MYO18A: variants seen among roughly 807,000 people sequenced by gnomAD.
MYO18A encodes the protein myosin XVIIIA, also known as unconventional myosin-XVIIIa.
A neutral mutation model predicts 235.8 loss-of-function variants in MYO18A; 78 were observed. That is an observed-to-expected ratio of 0.33 (90% CI 0.28 to 0.40). The LOEUF (loss-of-function observed/expected upper bound fraction) is 0.40. Ranked by LOEUF, MYO18A falls within the 10% of genes least tolerant of loss-of-function variation. MYO18A has a pLI of 1.00. For synonymous variants in MYO18A, 977 were observed against 1,077.8 expected (o/e 0.91, Z 1.83); for missense variants, 2,215 against 2,699.3 (o/e 0.82, Z 3.98).
At chr17:29,131,497 TA>T in intron 2 of MYO18A, 1 of 911,076 alleles carries the variant, frequency 1.1e-6, no homozygotes, top group Non-Finnish European at 1.3e-6. Flanking sequence ...GACCCAGCAC[TA>T]AAAGCACAGG....
Position 29,111,966 on chromosome 17 carries a change from CACACA to C in MYO18A, c.2599-108_2599-104del. ...CACCCTACAGAATGCTACACATGTG[CACACA>C]TGCACACACGCACATGCCGCAGCTC... On this transcript the variant is annotated intron_variant, in intron 15 of 41. Transcript: ENST00000527372. The surrounding 1 kb of genome is among the most constrained non-coding windows in gnomAD (Gnocchi z 5.1). The C allele has an allele frequency of 7.4e-7, 1 of 1,352,678 alleles. No homozygotes were observed. Among genetic ancestry groups the C allele is most frequent in the Non-Finnish European group, 1.0e-6 (1 of 994,690 alleles). 83.8% of individuals were successfully genotyped at this position (1,352,678 alleles called of 1,614,324 possible).
chr17:29,121,907 C>T lies in MYO18A; in HGVS notation c.1138G>A (p.Val380Met), dbSNP rs1304491476. 1 of 1,613,844 alleles carries T rather than the reference C, an allele frequency of 6.2e-7. No individual in the cohort carries two copies. Among genetic ancestry groups the T allele is most frequent in the East Asian group, 2.2e-5 (1 of 44,886 alleles). Residue 380 changes from valine (V) to methionine (M), a missense_variant, in exon 4 of 42, where the codon GTG (valine) becomes ATG (methionine). Physicochemically the swap from Val to Met is conservative, Grantham distance 21 (BLOSUM62 1). Coordinates refer to ENST00000527372, the MANE Select transcript of MYO18A (RefSeq NM_078471.4). The surrounding 1 kb of genome is among the most constrained non-coding windows in gnomAD (Gnocchi z 4.2). ...ELNLPEGKVR[V>M]KLDHDGAILD... is the part of the protein sequence containing the mutation. ...ATGGCCCCATCGTGGTCCAGCTTCA[C>T]ACGCACCTTCCCCTCAGGCAAGTTG... is the stretch of plus-strand genomic sequence containing the variant.
At chr17:29,098,651 C>T (rs1392369413) in intron 23 of MYO18A, among the ~76,000 whole-genome samples, 175 bp downstream of exon 23, 1 of 152,174 alleles carries the variant, frequency 6.6e-6, no homozygotes, top group Non-Finnish European at 1.5e-5. Context: ...AAGATTTTAT[C>T]GTAAGAGGCT....
intron 2 of MYO18A, among the ~76,000 whole-genome samples, chr17:29,143,709 T>C (rs577124137): frequency 3.2e-4 from 48 of 152,350 alleles, no homozygotes; most frequent in African/African-American, 1.0e-3. Flanking sequence ...ATAACCAACA[T>C]ATATACCCTG....
chr17:29,125,972 A>G lies in MYO18A; in HGVS notation c.1000-3719T>C, dbSNP rs538376238. The stretch of plus-strand genomic sequence containing the variant: ...CTGGACCTTGGCAGCTCCTGCCTAA[A>G]GGTTAAACCACTATTAGTCCCAGCC... On this transcript the variant is annotated intron_variant, in intron 2 of 41. Transcript: ENST00000527372. The surrounding 1 kb of genome is among the most constrained non-coding windows in gnomAD (Gnocchi z 5.1). 12 of 985,798 alleles carry G rather than the reference A, an allele frequency of 1.2e-5. No homozygotes were observed. In the South Asian group the frequency reaches 5.6e-4, roughly 46 times the overall value. The allele number at this position is 985,798 out of a possible 1,614,324, so 61.1% of individuals were successfully genotyped here.
In MYO18A at chr17:29,132,621, G is replaced by A. The variant is rs939810121; in HGVS notation, c.1000-10368C>T. On this transcript the variant is annotated intron_variant, in intron 2 of 41. Transcript: ENST00000527372. ...GACTCTCCAATTTTAACCAGGGTCT[G>A]TGGCTAATTTTGAGCTCAAATTAGC... 5.4e-4 allele frequency among the ~76,000 whole-genome samples: 82 copies of A among 152,192 alleles called. 1 individual carries two copies. The highest frequency in any genetic ancestry group is 1.4e-3 in the Admixed American group (22 of 15,274).
At chr17:29,105,113 A>T (rs1483037827) in intron 20 of MYO18A, among the ~76,000 whole-genome samples, 2 of 144,456 alleles carry the variant, frequency 1.4e-5, no homozygotes, top group Non-Finnish European at 3.0e-5. Flanking sequence ...CGGAGCTTGC[A>T]GTGAGCTCAG....
intron 2 of MYO18A, among the ~76,000 whole-genome samples, chr17:29,153,171 G>A (rs781339518): frequency 7.2e-5 from 11 of 152,120 alleles, no homozygotes; most frequent in Non-Finnish European, 1.3e-4. Flanking sequence ...CACCCAGGAT[G>A]GACTGCAGTG....
At position 29,073,763 on chromosome 17, in the gene MYO18A, AT is replaced by A; in HGVS notation, c.*1006del. ...GTGTGGGGGCAGGGAGGTTGGAAGAATGACACGGGCTCAGGACACAGAGTGA... is the reference window on the plus strand; with the variant it reads ...GTGTGGGGGCAGGGAGGTTGGAAGAAGACACGGGCTCAGGACACAGAGTGA... On this transcript the variant is annotated 3_prime_UTR_variant, in exon 42 of 42. Transcript: ENST00000527372. 7.4e-7 allele frequency: 1 copy of A among 1,345,430 alleles called. No individual in the cohort carries two copies. Among genetic ancestry groups the A allele is most frequent in the Non-Finnish European group, 1.0e-6 (1 of 975,348 alleles). 83.3% of individuals were successfully genotyped at this position (1,345,430 alleles called of 1,614,324 possible).
chr17:29,087,551 C>T (rs1435658161), intron 37 of MYO18A, among the ~76,000 whole-genome samples: 1 of 152,086 alleles, frequency 6.6e-6, no homozygotes, highest in East Asian at 1.9e-4. Context: ...AATGGCTTTG[C>T]TGGAGTTCTG....
In MYO18A at chr17:29,111,438, C is replaced by T. The variant is rs1444119014; in HGVS notation, c.2886G>A (p.Leu962=). Residue 962 remains leucine, a synonymous_variant, in exon 17 of 42, where the codon CTG becomes CTA. Coordinates refer to ENST00000527372, the MANE Select transcript of MYO18A (RefSeq NM_078471.4). This position sits in a 1 kb window ranked among gnomAD's most constrained non-coding sequence, Gnocchi z 5.1. Reference sequence around the variant, plus strand: ...GGTGGTCTTACTTCTGGGAGTCCTGCAGGAGCCGGGGGGCATTCTGGGTGG... The same window carrying T: ...GGTGGTCTTACTTCTGGGAGTCCTGTAGGAGCCGGGGGGCATTCTGGGTGG... ...NPATQNAPRL[L]QDSQKKIISN... 2 of 1,612,176 alleles carry T rather than the reference C, an allele frequency of 1.2e-6. No homozygotes were observed. The highest frequency in any genetic ancestry group is 1.7e-5 in the Admixed American group (1 of 59,662).
intron 41 of MYO18A, chr17:29,081,139 G>A (rs1364690255): frequency 7.7e-6 from 3 of 387,506 alleles, no homozygotes; most frequent in East Asian, 1.6e-4. Context: ...GGCGAAAGGA[G>A]GAGAAAACGG....
At chr17:29,115,990 A>G (rs1214549919) in intron 11 of MYO18A, 150 bp from the exon 12 acceptor site, 1 of 763,292 alleles carries the variant, frequency 1.3e-6, no homozygotes. Context: ...AGGGGCAGCC[A>G]GCAGTGGCCA....
At chr17:29,154,124 G>GCGCGCA (rs1384736919) in intron 2 of MYO18A, among the ~76,000 whole-genome samples, 2 of 150,610 alleles carry the variant, frequency 1.3e-5, no homozygotes, top group Non-Finnish European at 2.9e-5. Context: ...GTGTGTGTGC[G>GCGCGCA]CGCGCGTGCG....
chr17:29,135,112 T>C (rs2067565776), intron 2 of MYO18A, among the ~76,000 whole-genome samples: 1 of 151,912 alleles, frequency 6.6e-6, no homozygotes, highest in Admixed American at 6.6e-5. Context: ...TTTTTTTTAA[T>C]TGAGACAGAG....
intron 2 of MYO18A, among the ~76,000 whole-genome samples, chr17:29,129,422 A>C (rs2067407147): frequency 1.3e-5 from 2 of 152,050 alleles, no homozygotes; most frequent in African/African-American, 2.4e-5. Context: ...TGGTGTGCCC[A>C]CCCTTCCCCC....
At chr17:29,136,833 G>A (rs1437504612) in intron 2 of MYO18A, among the ~76,000 whole-genome samples, 1 of 152,158 alleles carries the variant, frequency 6.6e-6, no homozygotes, top group Non-Finnish European at 1.5e-5. Context: ...CAGAAGATCT[G>A]GTCAAGCCAA....
intron 2 of MYO18A, among the ~76,000 whole-genome samples, chr17:29,160,194 AT>A (rs1179458792): frequency 1.3e-5 from 2 of 152,232 alleles, no homozygotes; most frequent in Non-Finnish European, 2.9e-5. Flanking sequence ...CTTACCTTAT[AT>A]AAAGACCCAC....
chr17:29,122,335 G>A, intron 2 of MYO18A, 82 bp from the exon 3 acceptor site: 1 of 1,329,938 alleles, frequency 7.5e-7, no homozygotes, highest in Non-Finnish European at 1.1e-6. Flanking sequence ...ACAAGTGAGG[G>A]CATGGGCTTT....
Sources: gnomAD v4.1 joint callset for allele counts (sites outside exome capture counted in the v4.1 genomes callset) on GRCh38, gnomAD v4.1.1 for gene constraint, Gnocchi (gnomAD v3.1) non-coding constraint, MANE v1.5 for transcripts, NCBI Gene and HGNC (gene_info 2026-07-23, HGNC 2026-07-21) for gene names.